Variants in ANKRD30B observed in about 807,000 individuals in gnomAD.
ANKRD30B encodes ankyrin repeat domain 30B.
Under a neutral mutation model 202.2 loss-of-function variants are expected in ANKRD30B, and 144 were observed. The ratio of observed to expected loss-of-function variants is 0.71; its 90% CI spans 0.62 to 0.82. The LOEUF (loss-of-function observed/expected upper bound fraction) is 0.82, where lower values mean the gene tolerates loss of function less well. Ranked by LOEUF, ANKRD30B falls within the 40% of genes least tolerant of loss-of-function variation. The pLI is 0.00. For synonymous variants in ANKRD30B, 508 were observed against 561.3 expected, an observed-to-expected ratio of 0.91 and a Z score of 1.34; for missense variants, 1,487 against 1,669.1, an observed-to-expected ratio of 0.89 and a Z score of 1.90.
chr18:14,783,819 C>A (rs1967905844), intron 12 of ANKRD30B, among the ~76,000 whole-genome samples: 1 of 152,008 alleles, frequency 6.6e-6, no homozygotes, highest in South Asian at 2.1e-4. Context: ...ATGATTACAC[C>A]ATATGGTTAT....
chr18:14,903,708 A>G, the ANKRD30B span: 78,245 of 151,988 alleles, frequency 0.51, 20,414 homozygotes, highest in African/African-American at 0.54. Flanking sequence ...ATTTTGGGGT[A>G]AAGTTCTCTG....
intron 26 of ANKRD30B, 38 bp from the exon 27 acceptor site, chr18:14,809,948 T>A: frequency 1.4e-6 from 2 of 1,391,584 alleles, no homozygotes; most frequent in Non-Finnish European, 2.0e-6. Flanking sequence ...TTTGTCAGGC[T>A]TGCATATAAT....
At chr18:14,899,323 C>T in the ANKRD30B span, among the ~76,000 whole-genome samples, 1 of 151,916 alleles carries the variant, frequency 6.6e-6, no homozygotes, top group Non-Finnish European at 1.5e-5. Flanking sequence ...AAAATGACCT[C>T]ATATAGCATG....
chr18:14,755,974 G>A lies in ANKRD30B; in HGVS notation c.617+969G>A, dbSNP rs564967621. Among the ~76,000 whole-genome samples, 1,512 of 152,216 alleles carry A rather than the reference G, an allele frequency of 9.9e-3. 23 individuals carry two copies. Among genetic ancestry groups the A allele is most frequent in the African/African-American group, 0.035 (1,435 of 41,534 alleles). On this transcript the variant is annotated intron_variant, in intron 4 of 43. Transcript: ENST00000690538. ...TCTAGTTCTAGATCCCTGAGGAATC[G>A]CCACACCGACTTCCACAATGGTTGA...
intron 28 of ANKRD30B, among the ~76,000 whole-genome samples, chr18:14,810,694 A>T (rs182990318): frequency 6.6e-6 from 1 of 151,018 alleles, no homozygotes; most frequent in Non-Finnish European, 1.5e-5. Context: ...TGCTAGACAC[A>T]CTGTTTTAGA....
intron 39 of ANKRD30B, among the ~76,000 whole-genome samples, chr18:14,843,452 C>G (rs2143200667): frequency 6.6e-6 from 1 of 151,984 alleles, no homozygotes; most frequent in Middle Eastern, 3.4e-3. Flanking sequence ...GGGAAAGCTT[C>G]AATTTTGACA....
chr18:14,781,975 C>G (rs1174088090), intron 11 of ANKRD30B, among the ~76,000 whole-genome samples: 2 of 152,226 alleles, frequency 1.3e-5, no homozygotes, highest in Non-Finnish European at 2.9e-5. Context: ...AGGTAAACTA[C>G]TCTGCCTTCC....
intron 9 of ANKRD30B, 63 bp from the exon 10 acceptor site, chr18:14,777,922 C>G: frequency 3.7e-4 from 414 of 1,119,166 alleles, no homozygotes; most frequent in Non-Finnish European, 5.0e-4. Flanking sequence ...CCCTGTGAGA[C>G]TTCATCTCAA....
the ANKRD30B span, among the ~76,000 whole-genome samples, chr18:14,929,376 A>G: frequency 6.6e-6 from 1 of 152,118 alleles, no homozygotes; most frequent in Non-Finnish European, 1.5e-5. Flanking sequence ...CTGTAGAACC[A>G]TTCACTCATC....
At chr18:14,791,081 T>A (rs1376073257) in intron 15 of ANKRD30B, among the ~76,000 whole-genome samples, 4 of 152,226 alleles carry the variant, frequency 2.6e-5, no homozygotes, top group African/African-American at 9.6e-5. Flanking sequence ...CTGTTATTCG[T>A]CTATTCAGAG....
At chr18:14,883,460 T>TA in the ANKRD30B span, 1 of 146,292 alleles carries the variant, frequency 6.8e-6, no homozygotes, top group Non-Finnish European at 1.5e-5. Flanking sequence ...TATATCTATA[T>TA]ATCTATAGAT....
chr18:14,865,266 A>G, the ANKRD30B span, among the ~76,000 whole-genome samples: 3 of 147,530 alleles, frequency 2.0e-5, no homozygotes, highest in Admixed American at 1.3e-4. Flanking sequence ...TTCCCTCTCC[A>G]TCTACCTAAA....
At chr18:14,861,971 A>G in the ANKRD30B span, among the ~76,000 whole-genome samples, 3 of 152,270 alleles carry the variant, frequency 2.0e-5, no homozygotes, top group South Asian at 6.2e-4. Flanking sequence ...TTAGAAGTCA[A>G]TATCAAGAAC....
At chr18:14,764,420 C>T (rs1422790736) in intron 7 of ANKRD30B, among the ~76,000 whole-genome samples, 1 of 151,950 alleles carries the variant, frequency 6.6e-6, no homozygotes, top group African/African-American at 2.4e-5. Context: ...GATGGAGTCT[C>T]GCACTGTTGC....
chr18:14,793,418 T>G (rs545346634), intron 16 of ANKRD30B, among the ~76,000 whole-genome samples: 234 of 152,312 alleles, frequency 1.5e-3, no homozygotes, highest in African/African-American at 5.4e-3. Flanking sequence ...CTTTTGCATT[T>G]ATTTTCTCAG....
chr18:14,899,045 G>T, the ANKRD30B span, among the ~76,000 whole-genome samples: 1 of 152,118 alleles, frequency 6.6e-6, no homozygotes, highest in Non-Finnish European at 1.5e-5. Context: ...GTATTTTACA[G>T]TAATATCATC....
the ANKRD30B span, among the ~76,000 whole-genome samples, chr18:14,865,632 C>G: frequency 6.7e-6 from 1 of 150,308 alleles, no homozygotes; most frequent in Non-Finnish European, 1.5e-5. Context: ...TTTTTCCCAA[C>G]ATCTTTTCCT....
chr18:14,816,727 G>C (rs993402481), intron 30 of ANKRD30B: 1 of 151,282 alleles, frequency 6.6e-6, no homozygotes, highest in Non-Finnish European at 1.5e-5. Flanking sequence ...GTCCAACAAC[G>C]CTAGACTGGA....
the ANKRD30B span, among the ~76,000 whole-genome samples, chr18:14,936,682 A>G: frequency 6.6e-6 from 1 of 152,186 alleles, no homozygotes; most frequent in Non-Finnish European, 1.5e-5. Context: ...CTGTGTGAGT[A>G]GCACTCCATT....
Sources: gnomAD v4.1 joint callset for allele counts (sites outside exome capture counted in the v4.1 genomes callset) on GRCh38, gnomAD v4.1.1 for gene constraint, MANE v1.5 for transcripts, NCBI Gene and HGNC (gene_info 2026-07-23, HGNC 2026-07-21) for gene names.